DLG2: variants seen among roughly 807,000 people sequenced by gnomAD.
The protein encoded by DLG2 is discs large MAGUK scaffold protein 2.
DLG2 carries 45 observed loss-of-function variants against 132.5 expected under a neutral mutation model. The observed-to-expected ratio is 0.34, with a 90% CI of 0.27 to 0.44. DLG2 has a LOEUF of 0.44. Among genes scored for constraint, DLG2 ranks in the 20% least tolerant of loss-of-function variants. The pLI is 1.00. For synonymous variants in DLG2, 424 were observed against 419.6 expected (o/e 1.01, Z -0.13); for missense variants, 1,045 against 1,196.9 (o/e 0.87, Z 1.87).
intron 18 of DLG2, among the ~76,000 whole-genome samples, chr11:83,688,238 T>A (rs1248376736): frequency 1.3e-5 from 2 of 152,198 alleles, no homozygotes; most frequent in Admixed American, 6.5e-5. Flanking sequence ...CTTAGTCTTG[T>A]CCCCTTCCTT....
At chr11:83,893,217 A>G (rs1208058856) in intron 15 of DLG2, among the ~76,000 whole-genome samples, 1 of 152,234 alleles carries the variant, frequency 6.6e-6, no homozygotes, top group Non-Finnish European at 1.5e-5. Context: ...CCTGTCCTGC[A>G]GTTACTTCTC....
intron 6 of DLG2, among the ~76,000 whole-genome samples, chr11:85,087,727 A>T (rs2068134878): frequency 6.7e-6 from 1 of 150,218 alleles, no homozygotes; most frequent in African/African-American, 2.4e-5. Flanking sequence ...AGTCCCAGCT[A>T]CTCGGGAGGC....
At chr11:85,504,960 T>C (rs1200600517) in intron 3 of DLG2, among the ~76,000 whole-genome samples, 1 of 152,164 alleles carries the variant, frequency 6.6e-6, no homozygotes. Context: ...AGGTATTTTA[T>C]TCTCTTTGAA....
At chr11:84,586,391 T>C (rs1018755051) in intron 6 of DLG2, among the ~76,000 whole-genome samples, 3 of 152,186 alleles carry the variant, frequency 2.0e-5, no homozygotes, top group African/African-American at 7.2e-5. Context: ...CTCAACTTTA[T>C]TTTATTTAGC....
intron 7 of DLG2, among the ~76,000 whole-genome samples, chr11:84,373,564 T>C (rs1442369573): frequency 6.6e-6 from 1 of 151,088 alleles, no homozygotes; most frequent in African/African-American, 2.4e-5. Context: ...AGCAAGACTC[T>C]GTCTAAAAAG....
intron 18 of DLG2, among the ~76,000 whole-genome samples, chr11:83,751,404 G>A (rs944505046): frequency 1.3e-5 from 2 of 152,174 alleles, no homozygotes; most frequent in African/African-American, 4.8e-5. Context: ...CTCTGGGTGG[G>A]ATAGGAGAAG....
At chr11:84,568,666 CAA>C (rs1205337784) in intron 6 of DLG2, among the ~76,000 whole-genome samples, 8 of 152,148 alleles carry the variant, frequency 5.3e-5, no homozygotes, top group Non-Finnish European at 1.2e-4. Flanking sequence ...CCTGCCCAGG[CAA>C]AGAGACTCCC....
At chr11:84,871,246 G>C (rs1390311765) in intron 6 of DLG2, among the ~76,000 whole-genome samples, 1 of 152,190 alleles carries the variant, frequency 6.6e-6, no homozygotes, top group East Asian at 1.9e-4. Context: ...CCTGCATAAG[G>C]ATCTCAGATA....
At chr11:84,669,946 C>A (rs183901373) in intron 6 of DLG2, among the ~76,000 whole-genome samples, 1 of 152,086 alleles carries the variant, frequency 6.6e-6, no homozygotes, top group African/African-American at 2.4e-5. Context: ...TGAAGAGAGA[C>A]CAGCACATAC....
At chr11:85,004,201 A>G in intron 6 of DLG2, among the ~76,000 whole-genome samples, 2 of 152,106 alleles carry the variant, frequency 1.3e-5, no homozygotes, top group Admixed American at 6.6e-5. Flanking sequence ...TGTCTTTATA[A>G]TAGAATGATT....
chr11:85,171,344 G>A (rs1472641680), intron 4 of DLG2, among the ~76,000 whole-genome samples: 1 of 152,148 alleles, frequency 6.6e-6, no homozygotes, highest in Non-Finnish European at 1.5e-5. Flanking sequence ...GGGAGGTGGT[G>A]AGTGATTATG....
At chr11:85,380,998 T>C (rs1336627652) in intron 3 of DLG2, among the ~76,000 whole-genome samples, 1 of 152,174 alleles carries the variant, frequency 6.6e-6, no homozygotes, top group African/African-American at 2.4e-5. Context: ...TTGGTTTATC[T>C]TCTATTTCCC....
intron 6 of DLG2, among the ~76,000 whole-genome samples, chr11:84,790,662 G>A (rs567297652): frequency 6.6e-6 from 1 of 152,310 alleles, no homozygotes; most frequent in South Asian, 2.1e-4. Flanking sequence ...TCTTTGCACA[G>A]ATCAATGTCC....
chr11:83,922,750 T>A (rs1371747997), intron 15 of DLG2, among the ~76,000 whole-genome samples: 1 of 152,100 alleles, frequency 6.6e-6, no homozygotes, highest in Non-Finnish European at 1.5e-5. Context: ...TGAGCTTGGA[T>A]GTGAGAATGC....
intron 5 of DLG2, among the ~76,000 whole-genome samples, chr11:85,147,578 T>A (rs376637626): frequency 7.5e-4 from 114 of 152,338 alleles, no homozygotes; most frequent in African/African-American, 2.5e-3. Context: ...CATTAACTTT[T>A]CATTTACCAA....
At chr11:85,069,630 A>T (rs953393728) in intron 6 of DLG2, among the ~76,000 whole-genome samples, 1 of 152,150 alleles carries the variant, frequency 6.6e-6, no homozygotes, top group Non-Finnish European at 1.5e-5. Context: ...TTAGAATGGC[A>T]ATCATTAAAA....
At chr11:83,819,787 TCTATTTCTCC>T (rs2050230662) in intron 17 of DLG2, among the ~76,000 whole-genome samples, 1 of 152,082 alleles carries the variant, frequency 6.6e-6, no homozygotes, top group Non-Finnish European at 1.5e-5. Flanking sequence ...TCCTGACCCC[TCTATTTCTCC>T]CCTTCAAGCA....
chr11:84,097,153 A>G (rs2097176466), intron 10 of DLG2, among the ~76,000 whole-genome samples: 1 of 152,186 alleles, frequency 6.6e-6, no homozygotes, highest in Non-Finnish European at 1.5e-5. Context: ...ACAGGACTTC[A>G]CTTGCTTTAT....
chr11:83,869,529 T>C (rs1365224254), intron 16 of DLG2, among the ~76,000 whole-genome samples: 1 of 152,200 alleles, frequency 6.6e-6, no homozygotes, highest in East Asian at 1.9e-4. Flanking sequence ...GGTACATGGC[T>C]GTCCCTATGG....
Sources: allele counts gnomAD v4.1 joint callset (sites outside exome capture counted in the v4.1 genomes callset), GRCh38; gene constraint gnomAD v4.1.1; transcripts MANE v1.5; gene names NCBI Gene and HGNC (gene_info 2026-07-23, HGNC 2026-07-21).